Variants in CDH9 observed in about 807,000 individuals in gnomAD.
CDH9 encodes cadherin 9, also known as cadherin-9.
CDH9 carries 28 observed loss-of-function variants against 70.9 expected under a neutral mutation model. That is an observed-to-expected ratio of 0.40 (90% CI 0.29 to 0.54). The LOEUF (loss-of-function observed/expected upper bound fraction) is 0.54. Ranked by LOEUF, CDH9 falls within the 20% of genes least tolerant of loss-of-function variation. CDH9 has a pLI of 0.59. For missense variants in CDH9, 874 were observed against 984.4 expected, an observed-to-expected ratio of 0.89 and a Z score of 1.50; for synonymous variants, 409 against 343.1, an observed-to-expected ratio of 1.19 and a Z score of -2.12.
chr5:26,881,658 A>G (rs187584635), intron 11 of CDH9, 35 bp from the exon 12 acceptor site: 10 of 1,565,284 alleles, frequency 6.4e-6, no homozygotes, highest in Admixed American at 5.6e-5. Flanking sequence ...GTGAGATTTC[A>G]TGAGTCAGGA....
At position 26,988,396 on chromosome 5, in the gene CDH9, A is replaced by G. The variant is rs1390385427; in HGVS notation, c.-49-14T>C. ...TGTTTGTTTTTCCTAAAGAGTAAGG[A>G]GAAAAAAAATGGCTGTATTAGCTTG... On this transcript the variant is annotated splice_polypyrimidine_tract_variant and intron_variant, in intron 1 of 11. Coordinates refer to ENST00000231021, the MANE Select transcript of CDH9 (RefSeq NM_016279.4). 53 of 1,567,022 alleles carry G rather than the reference A, an allele frequency of 3.4e-5. No individual in the cohort carries two copies. The highest frequency in any genetic ancestry group is 7.8e-6 in the Non-Finnish European group (9 of 1,157,338).
At chr5:26,907,966 A>C (rs1005409111) in intron 3 of CDH9, among the ~76,000 whole-genome samples, 1 of 152,170 alleles carries the variant, frequency 6.6e-6, no homozygotes, top group Admixed American at 6.6e-5. Context: ...TGTTGCGTGT[A>C]TATGTGTATG....
chr5:26,988,367 G>T lies in CDH9; in HGVS notation c.-34C>A. On this transcript the variant is annotated 5_prime_UTR_variant, in exon 2 of 12. Coordinates refer to ENST00000231021, the MANE Select transcript of CDH9 (RefSeq NM_016279.4). Reference sequence around the variant, plus strand: ...ACTTCAGTGGGTTGTCAAATTCAATGTATTGTTTGTTTTTCCTAAAGAGTA... The same window carrying T: ...ACTTCAGTGGGTTGTCAAATTCAATTTATTGTTTGTTTTTCCTAAAGAGTA... 6.3e-7 allele frequency: 1 copy of T among 1,595,080 alleles called. No homozygotes were observed. The highest frequency in any genetic ancestry group is 1.7e-5 in the Admixed American group (1 of 59,190).
chr5:26,890,924 T>C (rs1170133572), intron 7 of CDH9: 1 of 171,606 alleles, frequency 5.8e-6, no homozygotes, highest in Non-Finnish European at 1.2e-5. Context: ...GAGTCAATAG[T>C]AATGAATAAA....
intron 7 of CDH9, among the ~76,000 whole-genome samples, chr5:26,898,320 C>G (rs1022528582): frequency 6.6e-6 from 1 of 152,052 alleles, no homozygotes; most frequent in Non-Finnish European, 1.5e-5. Flanking sequence ...TTAGAAAAAA[C>G]TAGTTTAAAT....
chr5:26,976,328 T>G (rs1424171518), intron 2 of CDH9, among the ~76,000 whole-genome samples: 4 of 152,196 alleles, frequency 2.6e-5, no homozygotes, highest in Admixed American at 1.3e-4. Context: ...ATACAGAAGT[T>G]GGCAGAATTT....
At chr5:26,955,651 A>G (rs888482808) in intron 2 of CDH9, among the ~76,000 whole-genome samples, 1 of 151,416 alleles carries the variant, frequency 6.6e-6, no homozygotes, top group Admixed American at 6.6e-5. Flanking sequence ...ACCAATATCA[A>G]TTCCCTTTTG....
At chr5:26,919,810 T>C (rs571511139) in intron 2 of CDH9, among the ~76,000 whole-genome samples, 151 of 152,172 alleles carry the variant, frequency 9.9e-4, no homozygotes, top group African/African-American at 3.3e-3. Context: ...CTACTATCCT[T>C]AAGGGAAGAA....
At chr5:26,887,015 C>T (rs1039543561) in intron 9 of CDH9, among the ~76,000 whole-genome samples, 2 of 152,152 alleles carry the variant, frequency 1.3e-5, no homozygotes, top group African/African-American at 2.4e-5. Context: ...ATAGTTTAAG[C>T]TTTCCATTGT....
chr5:26,881,155 T>C lies in CDH9; in HGVS notation c.2351A>G (p.Asp784Gly), dbSNP rs754120657. Reference sequence around the variant, plus strand: ...ATCCTCTTAGTCTCGGTCACTATCATCACCCCCATACATATCGGCAAGTTT... The same window carrying C: ...ATCCTCTTAGTCTCGGTCACTATCACCACCCCCATACATATCGGCAAGTTT... ...FKKLADMYGG[D>G]DSDRD Residue 784 changes from aspartate (D) to glycine (G), a missense_variant, in exon 12 of 12, where the codon GAT (aspartate) becomes GGT (glycine). By Grantham distance (94) the Asp-to-Gly change is moderately conservative (BLOSUM62 -1). Coordinates refer to ENST00000231021, the MANE Select transcript of CDH9 (RefSeq NM_016279.4). The C allele has an allele frequency of 2.5e-6, 4 of 1,608,482 alleles. No homozygotes were observed. In the South Asian group the frequency reaches 4.4e-5, roughly 18 times the overall value.
intron 1 of CDH9, among the ~76,000 whole-genome samples, chr5:27,003,417 C>T (rs1208295804): frequency 6.6e-6 from 1 of 151,908 alleles, no homozygotes; most frequent in Non-Finnish European, 1.5e-5. Context: ...AATTTCCTTC[C>T]AAAAAGGACA....
At chr5:26,891,763 G>A (rs1034178422) in intron 7 of CDH9, among the ~76,000 whole-genome samples, 3 of 152,082 alleles carry the variant, frequency 2.0e-5, no homozygotes, top group African/African-American at 7.2e-5. Context: ...AAAGAGAAGA[G>A]ATTTGAAGAC....
At chr5:26,908,005 T>G (rs1187395225) in intron 3 of CDH9, among the ~76,000 whole-genome samples, 1 of 152,146 alleles carries the variant, frequency 6.6e-6, no homozygotes, top group Admixed American at 6.5e-5. Flanking sequence ...ATATAGTAAT[T>G]AAGATCAATA....
intron 2 of CDH9, among the ~76,000 whole-genome samples, chr5:26,987,113 T>C (rs1365344062): frequency 1.5e-5 from 2 of 130,152 alleles, no homozygotes; most frequent in African/African-American, 3.0e-5. Flanking sequence ...TTTTTTTTTT[T>C]CATTTTTGGC....
chr5:27,026,323 A>G (rs1025178758), intron 1 of CDH9, among the ~76,000 whole-genome samples: 1 of 151,948 alleles, frequency 6.6e-6, no homozygotes, highest in African/African-American at 2.4e-5. Flanking sequence ...TTCTATTCTA[A>G]CATGAGTAAA....
chr5:26,961,715 T>G (rs1312886861), intron 2 of CDH9, among the ~76,000 whole-genome samples: 1 of 152,202 alleles, frequency 6.6e-6, no homozygotes, highest in African/African-American at 2.4e-5. Context: ...CCAACCTGTA[T>G]GCAATTTTAA....
intron 2 of CDH9, among the ~76,000 whole-genome samples, chr5:26,956,505 C>G (rs2112054625): frequency 6.6e-6 from 1 of 152,288 alleles, no homozygotes; most frequent in Admixed American, 6.5e-5. Flanking sequence ...GCTGTTTTCA[C>G]AGATATCACT....
At chr5:26,982,810 G>A (rs367664647) in intron 2 of CDH9, among the ~76,000 whole-genome samples, 1 of 151,756 alleles carries the variant, frequency 6.6e-6, no homozygotes. Context: ...AGCCTCCCGA[G>A]TAGCTAGGAT....
At chr5:27,031,130 A>C (rs996350540) in intron 1 of CDH9, among the ~76,000 whole-genome samples, 4 of 151,784 alleles carry the variant, frequency 2.6e-5, no homozygotes, top group African/African-American at 7.2e-5. Context: ...CTGAGAAAGA[A>C]ATATAACTAA....
Sources: gnomAD v4.1 joint callset for allele counts (sites outside exome capture counted in the v4.1 genomes callset) on GRCh38, gnomAD v4.1.1 for gene constraint, MANE v1.5 for transcripts, NCBI Gene and HGNC (gene_info 2026-07-23, HGNC 2026-07-21) for gene names.